The following SCLT1 variants were observed in gnomAD, a reference collection of about 807,000 sequenced individuals.
SCLT1 encodes the protein sodium channel and clathrin linker 1.
In SCLT1, 78 loss-of-function variants were observed where a neutral mutation model predicts 112.8. The ratio of observed to expected loss-of-function variants is 0.69; its 90% CI spans 0.58 to 0.83. SCLT1 has a LOEUF of 0.83. SCLT1 is among the 40% of genes least tolerant of loss of function. The pLI is 0.00. For missense variants in SCLT1, 747 were observed against 770.4 expected, an observed-to-expected ratio of 0.97 and a Z score of 0.36; for synonymous variants, 257 against 254.7, an observed-to-expected ratio of 1.01 and a Z score of -0.09.
At chr4:128,940,046 G>C (rs1737549534) in intron 17 of SCLT1, among the ~76,000 whole-genome samples, 1 of 151,948 alleles carries the variant, frequency 6.6e-6, no homozygotes, top group Non-Finnish European at 1.5e-5. Context: ...GAGATATGTG[G>C]GGTAGATAAA....
chr4:128,959,143 T>TAA (rs1413110503), intron 12 of SCLT1, among the ~76,000 whole-genome samples: 1 of 152,154 alleles, frequency 6.6e-6, no homozygotes, highest in Admixed American at 6.5e-5. Flanking sequence ...GTTAGAGAAT[T>TAA]AAAAAAGAAC....
intron 5 of SCLT1, among the ~76,000 whole-genome samples, chr4:129,023,610 C>T (rs1278794997): frequency 9.2e-5 from 14 of 152,200 alleles, no homozygotes; most frequent in Admixed American, 6.5e-4. Context: ...GCGTGAGCAA[C>T]GCAGAAAACG....
chr4:129,034,225 T>C (rs376050974), intron 5 of SCLT1, among the ~76,000 whole-genome samples: 2 of 152,110 alleles, frequency 1.3e-5, no homozygotes, highest in African/African-American at 4.8e-5. Flanking sequence ...AAATTTCAAA[T>C]AGATAATAAA....
At chr4:128,913,978 C>T (rs1278503948) in intron 18 of SCLT1, among the ~76,000 whole-genome samples, 2 of 152,182 alleles carry the variant, frequency 1.3e-5, no homozygotes, top group Non-Finnish European at 2.9e-5. Flanking sequence ...ACCCGCTCCT[C>T]ACCACTGCCC....
intron 9 of SCLT1, among the ~76,000 whole-genome samples, chr4:128,987,086 T>TTC (rs1171531989): frequency 1.7e-4 from 26 of 152,228 alleles, no homozygotes; most frequent in East Asian, 3.9e-4. Context: ...GGCTTAGGAA[T>TTC]CTAAGCCTAG....
At chr4:128,878,678 CA>C (rs1302261422) in intron 3 of SCLT1, among the ~76,000 whole-genome samples, 3 of 152,104 alleles carry the variant, frequency 2.0e-5, no homozygotes, top group African/African-American at 4.8e-5. Context: ...CACAATTTAA[CA>C]TTTTTTTGGT....
rs868158678 is a variant in SCLT1, at chr4:128,931,723, A to G, written c.1829+4932T>C. Among the ~76,000 whole-genome samples, 13 of 152,142 alleles carry G rather than the reference A, an allele frequency of 8.5e-5. No individual in the cohort carries two copies. The South Asian group carries it at 2.7e-3, about 32-fold the overall frequency. ...GTGATCAGCCCGCCTCGGCCTCCCA[A>G]AGTGTTGGGATTACAGGCGTGAGCC... is the stretch of plus-strand genomic sequence containing the variant. On this transcript the variant is annotated intron_variant, in intron 18 of 20. Coordinates refer to ENST00000281142, the MANE Select transcript of SCLT1 (RefSeq NM_144643.4).
chr4:129,025,909 G>A (rs1342024556), intron 5 of SCLT1, among the ~76,000 whole-genome samples: 5 of 151,956 alleles, frequency 3.3e-5, no homozygotes, highest in Admixed American at 6.6e-5. Context: ...CCTAGTCTCT[G>A]ATAAAACAGA....
chr4:128,904,782 C>T (rs781400483), intron 18 of SCLT1, among the ~76,000 whole-genome samples: 1 of 152,048 alleles, frequency 6.6e-6, no homozygotes, highest in African/African-American at 2.4e-5. Flanking sequence ...TTAGCAAATG[C>T]AAAGATTGTA....
chr4:128,875,421 GGTTTGA>G (rs944201907), intron 4 of SCLT1, among the ~76,000 whole-genome samples: 98 of 152,236 alleles, frequency 6.4e-4, no homozygotes, highest in African/African-American at 2.1e-3. Context: ...GAAAAATAAC[GGTTTGA>G]GTTTAGTCTT....
At chr4:129,008,855 C>T (rs1225611287) in intron 5 of SCLT1, among the ~76,000 whole-genome samples, 1 of 152,120 alleles carries the variant, frequency 6.6e-6, no homozygotes, top group African/African-American at 2.4e-5. Context: ...TGTAGTTTCT[C>T]TCTACATGTC....
intron 5 of SCLT1, among the ~76,000 whole-genome samples, chr4:129,005,443 A>C (rs1403734163): frequency 1.3e-5 from 2 of 152,222 alleles, no homozygotes; most frequent in Admixed American, 1.3e-4. Flanking sequence ...CATCAGAGAA[A>C]TGCAAATCAA....
intron 5 of SCLT1, among the ~76,000 whole-genome samples, chr4:129,022,767 C>A (rs1237321022): frequency 5.3e-5 from 8 of 152,082 alleles, no homozygotes; most frequent in Admixed American, 5.2e-4. Context: ...CAAGGCAGGC[C>A]AACATTCAAA....
At chr4:128,945,942 G>A (rs1010358635) in intron 16 of SCLT1, 65 bp downstream of exon 16, 49 of 1,130,992 alleles carry the variant, frequency 4.3e-5, no homozygotes, top group Middle Eastern at 4.0e-4. Flanking sequence ...AAAAGGTAGC[G>A]AATCTGTCAA....
At chr4:128,925,133 G>A (rs142470858) in intron 18 of SCLT1, among the ~76,000 whole-genome samples, 282 of 152,256 alleles carry the variant, frequency 1.9e-3, no homozygotes, top group Middle Eastern at 0.01. Flanking sequence ...CTGAGATAAT[G>A]CAGCTTTAGT....
In SCLT1 at chr4:128,975,040, C is replaced by CTTTTTTTT. The variant is rs34603915; in HGVS notation, c.687-4580_687-4573dup. Among the ~76,000 whole-genome samples the CTTTTTTTT allele has an allele frequency of 1.3e-3, 117 of 87,026 alleles. 25 individuals are homozygous for CTTTTTTTT. The highest frequency in any genetic ancestry group is 4.9e-3 in the African/African-American group (90 of 18,508). The allele number at this position is 87,026 out of a possible 152,430, so 57.1% of individuals were successfully genotyped here. A position where few individuals can be genotyped will look rare whatever the true frequency, so the allele number is the denominator to read the frequency against. ...GATATTAAACAGATTTGAATGACAA[C>CTTTTTTTT]TTTTTTTTTTTTTTTTGAGATGGAG... is the stretch of plus-strand genomic sequence containing the variant. On this transcript the variant is annotated intron_variant, in intron 9 of 20. Coordinates refer to ENST00000281142, the MANE Select transcript of SCLT1 (RefSeq NM_144643.4).
intron 2 of SCLT1, among the ~76,000 whole-genome samples, chr4:129,071,849 G>A (rs1478223161): frequency 6.6e-6 from 1 of 152,054 alleles, no homozygotes; most frequent in African/African-American, 2.4e-5. Flanking sequence ...GCTCTCTGTT[G>A]CCAGTGTACT....
intron 9 of SCLT1, among the ~76,000 whole-genome samples, chr4:128,988,322 C>T (rs898129160): frequency 6.6e-6 from 1 of 151,784 alleles, no homozygotes; most frequent in Non-Finnish European, 1.5e-5. Context: ...TAAATAGAGA[C>T]AACAAATCAA....
At chr4:129,085,181 A>G (rs2125780090) in intron 1 of SCLT1, among the ~76,000 whole-genome samples, 1 of 152,340 alleles carries the variant, frequency 6.6e-6, no homozygotes, top group South Asian at 2.1e-4. Context: ...CAAGAAAAAA[A>G]TCCCATTAAA....
Sources: allele counts gnomAD v4.1 joint callset (sites outside exome capture counted in the v4.1 genomes callset), GRCh38; gene constraint gnomAD v4.1.1; transcripts MANE v1.5; gene names NCBI Gene and HGNC (gene_info 2026-07-23, HGNC 2026-07-21).